Variants in ZC3H18 observed in about 807,000 individuals in gnomAD.
ZC3H18 encodes the protein zinc finger CCCH-type containing 18.
Under a neutral mutation model 106.1 loss-of-function variants are expected in ZC3H18, and 8 were observed. That is an observed-to-expected ratio of 0.08 (90% CI 0.04 to 0.14). The LOEUF is 0.14. Ranked by LOEUF, ZC3H18 falls within the 10% of genes least tolerant of loss-of-function variation. The probability of loss-of-function intolerance (pLI) is 1.00; values close to 1 mark genes in which losing one functional copy is unlikely to be tolerated. For synonymous variants in ZC3H18, 635 were observed against 522.1 expected (o/e 1.22, Z -2.95); for missense variants, 1,318 against 1,278.4 (o/e 1.03, Z -0.47).
At chr16:88,628,667 G>A (rs1906469927) in intron 15 of ZC3H18, 91 bp from the exon 16 acceptor site, 3 of 1,390,178 alleles carry the variant, frequency 2.2e-6, no homozygotes, top group Non-Finnish European at 3.0e-6. Flanking sequence ...AGCAGAGCAG[G>A]TTGCTGGCAA....
At chr16:88,600,839 G>C (rs867607427) in intron 6 of ZC3H18, among the ~76,000 whole-genome samples, 1 of 152,224 alleles carries the variant, frequency 6.6e-6, no homozygotes, top group African/African-American at 2.4e-5. Flanking sequence ...TGGATGGCAC[G>C]GTGAGGTTCA....
At chr16:88,602,419 G>C (rs1904796527) in intron 6 of ZC3H18, among the ~76,000 whole-genome samples, 2 of 152,218 alleles carry the variant, frequency 1.3e-5, no homozygotes, top group African/African-American at 4.8e-5. Flanking sequence ...AACCTGGATT[G>C]ATAGCTGTGA....
intron 6 of ZC3H18, among the ~76,000 whole-genome samples, chr16:88,600,824 G>A (rs1904710222): frequency 6.6e-6 from 1 of 152,254 alleles, no homozygotes; most frequent in Non-Finnish European, 1.5e-5. Flanking sequence ...GTTTTCCTCT[G>A]CCTGTGGATG....
rs542536236 is a variant in ZC3H18 at position 88,584,540 on chromosome 16, T to G, written c.604-2060T>G. Among the ~76,000 whole-genome samples, 12 of 152,324 alleles carry G rather than the reference T, an allele frequency of 7.9e-5. No homozygotes were observed. The South Asian group carries it at 1.9e-3, about 24-fold the overall frequency. ...GAGTGATTGGTGGATTATTTTTGTT[T>G]GTTTGATTTTTTAACTGAAAGGGGC... On this transcript the variant is annotated intron_variant, in intron 2 of 17. Transcript: ENST00000301011.
chr16:88,571,570 C>A, intron 1 of ZC3H18: 1 of 966,344 alleles, frequency 1.0e-6, no homozygotes, highest in Non-Finnish European at 1.2e-6. Flanking sequence ...GCCCTGGAAC[C>A]AGTCAAATGT....
chr16:88,613,361 C>T (rs569431928), intron 8 of ZC3H18, among the ~76,000 whole-genome samples: 1 of 152,292 alleles, frequency 6.6e-6, no homozygotes, highest in East Asian at 1.9e-4. Flanking sequence ...GAGCATATAC[C>T]TCAGTGTGGA....
intron 13 of ZC3H18, chr16:88,626,654 A>T (rs1283890407): frequency 6.6e-6 from 1 of 152,078 alleles, no homozygotes; most frequent in Non-Finnish European, 1.5e-5. Flanking sequence ...CGCCTGGCCT[A>T]AATGTTTCTT....
At chr16:88,628,153 G>T in intron 15 of ZC3H18, 34 bp downstream of exon 15, 4 of 1,607,280 alleles carry the variant, frequency 2.5e-6, no homozygotes, top group Non-Finnish European at 2.6e-6. Context: ...GGCTGCCCCA[G>T]CGTCTAGGCC....
intron 3 of ZC3H18, among the ~76,000 whole-genome samples, chr16:88,596,955 C>G (rs1312282822): frequency 6.6e-6 from 1 of 152,210 alleles, no homozygotes; most frequent in Non-Finnish European, 1.5e-5. Flanking sequence ...GAGACTCGCT[C>G]TGTTGCCCAG....
At chr16:88,584,714 G>C (rs118157243) in intron 2 of ZC3H18, among the ~76,000 whole-genome samples, 4 of 152,170 alleles carry the variant, frequency 2.6e-5, no homozygotes, top group African/African-American at 4.8e-5. Flanking sequence ...TCTGTTTACC[G>C]ATCACCTTTA....
intron 8 of ZC3H18, among the ~76,000 whole-genome samples, chr16:88,621,263 C>T (rs1421788417): frequency 2.0e-5 from 3 of 149,542 alleles, no homozygotes; most frequent in Non-Finnish European, 3.0e-5. Flanking sequence ...CTCGCTCTGT[C>T]GCCCAGGCTG....
intron 8 of ZC3H18, among the ~76,000 whole-genome samples, chr16:88,616,630 A>G (rs1329687928): frequency 6.6e-6 from 1 of 152,140 alleles, no homozygotes; most frequent in East Asian, 1.9e-4. Context: ...CTGCCTTTTC[A>G]GGAGCAGCTG....
chr16:88,601,380 C>T (rs1182556719), intron 6 of ZC3H18, among the ~76,000 whole-genome samples: 2 of 152,176 alleles, frequency 1.3e-5, no homozygotes, highest in Non-Finnish European at 2.9e-5. Context: ...ACAGAGGTCT[C>T]TATAAATATG....
chr16:88,580,188 GTGTGTGTGTGTGTGTGTGTGTA>G lies in ZC3H18; in HGVS notation c.603+2464_603+2485del, dbSNP rs1438392959. 3.3e-3 allele frequency among the ~76,000 whole-genome samples: 257 copies of G among 77,978 alleles called. 3 individuals carry two copies. The highest frequency in any genetic ancestry group is 1.8e-3 in the Non-Finnish European group (59 of 33,326). 51.2% of individuals were successfully genotyped at this position (77,978 alleles called of 152,430 possible). A position where few individuals can be genotyped will look rare whatever the true frequency, so the allele number is the denominator to read the frequency against. On this transcript the variant is annotated intron_variant, in intron 2 of 17. Coordinates refer to ENST00000301011, the MANE Select transcript of ZC3H18 (RefSeq NM_144604.4). ...TGTGTGTGTGTGTGTGTGTGTGTGTGTGTGTGTGTGTGTGTGTGTGTATATGTATATGTCTCTGCCTGCTGCT... is the reference window on the plus strand; with the variant it reads ...TGTGTGTGTGTGTGTGTGTGTGTGTGTATGTATATGTCTCTGCCTGCTGCT...
At chr16:88,572,675 A>C (rs565268240) in intron 1 of ZC3H18, among the ~76,000 whole-genome samples, 1 of 152,016 alleles carries the variant, frequency 6.6e-6, no homozygotes, top group East Asian at 1.9e-4. Context: ...CGTGGGTATC[A>C]GTTGAGACTC....
chr16:88,599,049 T>G (rs1904605995), intron 5 of ZC3H18, among the ~76,000 whole-genome samples: 1 of 152,164 alleles, frequency 6.6e-6, no homozygotes, highest in Non-Finnish European at 1.5e-5. Flanking sequence ...TCTAACTGTC[T>G]CAGGCAGCAG....
rs1425774233 is a variant in ZC3H18 at position 88,577,571 on chromosome 16, G to C, written c.448G>C (p.Ala150Pro). Reference protein sequence around the residue: ...PAVQEDEAEKAGAEDDEEKGE... With the variant: ...PAVQEDEAEKPGAEDDEEKGE... ...CGTCCAGGAGGACGAGGCTGAGAAA[G>C]CGGGGGCTGAGGATGATGAGGAGAA... is the stretch of plus-strand genomic sequence containing the variant. Residue 150 changes from alanine to proline, a missense_variant, in exon 2 of 18, where the codon GCG becomes CCG. Coordinates refer to ENST00000301011, the MANE Select transcript of ZC3H18 (RefSeq NM_144604.4). 1 of 1,613,594 alleles carries C rather than the reference G, an allele frequency of 6.2e-7. No homozygotes were observed. The highest frequency in any genetic ancestry group is 8.5e-7 in the Non-Finnish European group (1 of 1,179,944).
intron 6 of ZC3H18, among the ~76,000 whole-genome samples, chr16:88,604,889 G>C (rs538092271): frequency 6.6e-6 from 1 of 152,084 alleles, no homozygotes; most frequent in Non-Finnish European, 1.5e-5. Context: ...CAGGCTGTCA[G>C]GCCATGGCCA....
At chr16:88,621,052 T>C (rs1041378310) in intron 8 of ZC3H18, among the ~76,000 whole-genome samples, 1 of 151,096 alleles carries the variant, frequency 6.6e-6, no homozygotes, top group African/African-American at 2.4e-5. Context: ...TTTTTTGTTT[T>C]GTTTTGTTTT....
Sources: allele counts gnomAD v4.1 joint callset (sites outside exome capture counted in the v4.1 genomes callset), GRCh38; gene constraint gnomAD v4.1.1; transcripts MANE v1.5; gene names NCBI Gene and HGNC (gene_info 2026-07-23, HGNC 2026-07-21).